The following B3GALT1 variants were observed in gnomAD, a reference collection of about 807,000 sequenced individuals.
The protein encoded by B3GALT1 is beta-1,3-galactosyltransferase 1.
A neutral mutation model predicts 23.2 loss-of-function variants in B3GALT1; 10 were observed. The ratio of observed to expected loss-of-function variants is 0.43; its 90% CI spans 0.27 to 0.73. B3GALT1 has a LOEUF of 0.73. B3GALT1 is among the 30% of genes least tolerant of loss of function. B3GALT1 has a pLI of 0.21. For synonymous variants in B3GALT1, 156 were observed against 141.5 expected (o/e 1.10, Z -0.73); for missense variants, 299 against 405.4 (o/e 0.74, Z 2.25).
At chr2:167,442,265 A>C (rs1357380983) in intron 1 of B3GALT1, among the ~76,000 whole-genome samples, 1 of 151,960 alleles carries the variant, frequency 6.6e-6, no homozygotes, top group African/African-American at 2.4e-5. Context: ...CATTTTCTTA[A>C]TCCAGTCTAT....
At chr2:167,718,389 C>G (rs1267057940) in intron 3 of B3GALT1, among the ~76,000 whole-genome samples, 2 of 152,020 alleles carry the variant, frequency 1.3e-5, no homozygotes, top group Non-Finnish European at 2.9e-5. Context: ...ATGTTAGTGT[C>G]ATTCTGCATA....
At chr2:167,389,670 A>C (rs1388301434) in intron 1 of B3GALT1, among the ~76,000 whole-genome samples, 12 of 152,154 alleles carry the variant, frequency 7.9e-5, no homozygotes, top group Admixed American at 7.9e-4. Context: ...TTTATTTGCC[A>C]GAGGACCCTA....
intron 2 of B3GALT1, among the ~76,000 whole-genome samples, chr2:167,559,453 G>A (rs1270007965): frequency 2.0e-5 from 3 of 152,222 alleles, no homozygotes; most frequent in Admixed American, 6.5e-5. Flanking sequence ...GAAGCTGGAC[G>A]GAGGATGACT....
intron 3 of B3GALT1, among the ~76,000 whole-genome samples, chr2:167,670,209 C>T (rs1020787897): frequency 6.6e-6 from 1 of 152,248 alleles, no homozygotes; most frequent in Admixed American, 6.5e-5. Context: ...AGGTGTCTAA[C>T]CTGGAACACT....
chr2:167,579,457 T>G, intron 2 of B3GALT1, among the ~76,000 whole-genome samples: 1 of 112,550 alleles, frequency 8.9e-6, no homozygotes, highest in Admixed American at 9.6e-5. Context: ...TCCATTTAAA[T>G]TCTGATGTCT....
intron 1 of B3GALT1, among the ~76,000 whole-genome samples, chr2:167,489,631 C>T (rs1010152584): frequency 2.0e-5 from 3 of 152,070 alleles, no homozygotes; most frequent in East Asian, 1.9e-4. Flanking sequence ...CACTGGCTCA[C>T]GTCAGTATTA....
At chr2:167,439,675 A>G (rs1441820230) in intron 1 of B3GALT1, among the ~76,000 whole-genome samples, 4 of 152,134 alleles carry the variant, frequency 2.6e-5, no homozygotes. Context: ...GAAAATTATC[A>G]TTAAGTTTTC....
rs955322010 is a variant in B3GALT1 at position 167,465,977 on chromosome 2, A to G, written c.-510-24200A>G. Among the ~76,000 whole-genome samples, 3 of 152,026 alleles carry G rather than the reference A, an allele frequency of 2.0e-5. 1 individual carries two copies. Among genetic ancestry groups the G allele is most frequent in the African/African-American group, 7.3e-5 (3 of 41,360 alleles). On this transcript the variant is annotated intron_variant, in intron 1 of 4. Transcript: ENST00000392690. ...AAGCTCAGTGACATTATCTGCAGAT[A>G]TTATCTGCTGCTTCTAAGTCAGTCA...
chr2:167,463,928 G>A (rs1699305346), intron 1 of B3GALT1, among the ~76,000 whole-genome samples: 1 of 152,106 alleles, frequency 6.6e-6, no homozygotes, highest in Non-Finnish European at 1.5e-5. Flanking sequence ...CACATCGTTG[G>A]CAAGGCCTGT....
At chr2:167,831,534 A>AAATT (rs1007349151) in intron 4 of B3GALT1, among the ~76,000 whole-genome samples, 1 of 152,206 alleles carries the variant, frequency 6.6e-6, no homozygotes, top group Non-Finnish European at 1.5e-5. Flanking sequence ...TGTGGCCAAA[A>AAATT]AATTAGAGTA....
intron 3 of B3GALT1, among the ~76,000 whole-genome samples, chr2:167,758,147 T>G (rs1020671623): frequency 6.6e-6 from 1 of 152,102 alleles, no homozygotes; most frequent in African/African-American, 2.4e-5. Context: ...CTCCTTTCCC[T>G]CCTTTCTCAG....
chr2:167,612,105 CA>C (rs1685077511), intron 2 of B3GALT1, among the ~76,000 whole-genome samples: 1 of 151,788 alleles, frequency 6.6e-6, no homozygotes, highest in African/African-American at 2.4e-5. Context: ...TGTGGATAAA[CA>C]AAAGAATTAA....
chr2:167,609,804 G>T (rs965395320), intron 2 of B3GALT1, among the ~76,000 whole-genome samples: 13 of 152,132 alleles, frequency 8.5e-5, no homozygotes, highest in African/African-American at 2.7e-4. Context: ...ACATGGAAAT[G>T]AATGGGAATG....
chr2:167,556,877 C>A (rs1174624909), intron 2 of B3GALT1, among the ~76,000 whole-genome samples: 1 of 152,136 alleles, frequency 6.6e-6, no homozygotes, highest in Non-Finnish European at 1.5e-5. Context: ...ATATTTATTT[C>A]TCACAATAAA....
chr2:167,393,513 G>C (rs904267261), intron 1 of B3GALT1, among the ~76,000 whole-genome samples: 17 of 152,068 alleles, frequency 1.1e-4, no homozygotes, highest in African/African-American at 4.1e-4. Flanking sequence ...AAACGAAACA[G>C]CTAATATCAA....
intron 2 of B3GALT1, among the ~76,000 whole-genome samples, chr2:167,498,543 G>A (rs1043334056): frequency 1.3e-5 from 2 of 152,064 alleles, no homozygotes; most frequent in African/African-American, 2.4e-5. Flanking sequence ...TCTATGTTAT[G>A]TAGCAAGCAT....
chr2:167,312,847 A>G (rs1376179985), intron 1 of B3GALT1, among the ~76,000 whole-genome samples: 1 of 152,078 alleles, frequency 6.6e-6, no homozygotes, highest in African/African-American at 2.4e-5. Flanking sequence ...ACCACCATAA[A>G]TCAGGAAGAA....
chr2:167,451,520 G>T (rs1242713704), intron 1 of B3GALT1, among the ~76,000 whole-genome samples: 1 of 152,144 alleles, frequency 6.6e-6, no homozygotes, highest in Admixed American at 6.5e-5. Context: ...ACTGGGGGTT[G>T]TCTGCACAGA....
intron 1 of B3GALT1, among the ~76,000 whole-genome samples, chr2:167,455,755 C>T (rs1033111510): frequency 2.6e-5 from 4 of 152,130 alleles, no homozygotes; most frequent in South Asian, 2.1e-4. Flanking sequence ...TCAGGCTATC[C>T]GCCTGCCTAA....
Sources: gnomAD v4.1 joint callset for allele counts (sites outside exome capture counted in the v4.1 genomes callset) on GRCh38, gnomAD v4.1.1 for gene constraint, MANE v1.5 for transcripts, NCBI Gene and HGNC (gene_info 2026-07-23, HGNC 2026-07-21) for gene names.